MEF2C: variants seen among roughly 807,000 people sequenced by gnomAD.
MEF2C encodes the protein myocyte-specific enhancer factor 2C.
Under a neutral mutation model 50.5 loss-of-function variants are expected in MEF2C, and 6 were observed. The ratio of observed to expected loss-of-function variants is 0.12; its 90% CI spans 0.07 to 0.23. The LOEUF (loss-of-function observed/expected upper bound fraction) is 0.23, where lower values mean the gene tolerates loss of function less well. MEF2C is among the 10% of genes least tolerant of loss of function. The probability of loss-of-function intolerance (pLI) is 1.00; values close to 1 mark genes in which losing one functional copy is unlikely to be tolerated. For synonymous variants in MEF2C, 183 were observed against 228.0 expected (o/e 0.80, Z 1.78); for missense variants, 276 against 605.0 (o/e 0.46, Z 5.70).
In MEF2C at chr5:88,719,882, T is replaced by G. The variant is rs1467221072; in HGVS notation, c.*2722A>C. The stretch of plus-strand genomic sequence containing the variant: ...TGATTCTGTTCTCTTCATGTTCTTA[T>G]AAAACTATTGTCAGAACTGCTATAA... On this transcript the variant is annotated 3_prime_UTR_variant, in exon 11 of 11. Coordinates refer to ENST00000504921, the MANE Select transcript of MEF2C (RefSeq NM_002397.5). 1 of 152,210 alleles carries G rather than the reference T, an allele frequency of 6.6e-6. No individual in the cohort carries two copies. Among genetic ancestry groups the G allele is most frequent in the African/African-American group, 2.4e-5 (1 of 41,468 alleles). 9.4% of individuals were successfully genotyped at this position (152,210 alleles called of 1,614,324 possible). A position where few individuals can be genotyped will look rare whatever the true frequency, so the allele number is the denominator to read the frequency against.
intron 6 of MEF2C, chr5:88,742,992 A>G: frequency 1.0e-6 from 1 of 974,080 alleles, no homozygotes. Flanking sequence ...TTAGTTATTT[A>G]CTTATGTTTT....
At chr5:88,865,890 TTTTC>T (rs1310992306) in intron 1 of MEF2C, among the ~76,000 whole-genome samples, 6 of 151,652 alleles carry the variant, frequency 4.0e-5, no homozygotes, top group Admixed American at 3.9e-4. Flanking sequence ...GTCACATTTC[TTTTC>T]TTTTTTTTTT....
chr5:88,798,691 G>C (rs1434717109), intron 3 of MEF2C, among the ~76,000 whole-genome samples: 1 of 152,112 alleles, frequency 6.6e-6, no homozygotes, highest in Non-Finnish European at 1.5e-5. Flanking sequence ...TGCTGGAGAG[G>C]AGTTGTGATC....
At chr5:88,838,975 C>T (rs910981225) in intron 1 of MEF2C, among the ~76,000 whole-genome samples, 1 of 152,052 alleles carries the variant, frequency 6.6e-6, no homozygotes, top group African/African-American at 2.4e-5. Flanking sequence ...ATAAAATATA[C>T]TAATTGTATA....
intron 2 of MEF2C, among the ~76,000 whole-genome samples, chr5:88,808,606 G>A (rs781367240): frequency 6.6e-6 from 1 of 152,088 alleles, no homozygotes; most frequent in Non-Finnish European, 1.5e-5. Flanking sequence ...ATTAAAGCAC[G>A]TAAGAAAATA....
At chr5:88,744,921 A>C (rs1768659179) in intron 6 of MEF2C, among the ~76,000 whole-genome samples, 1 of 152,240 alleles carries the variant, frequency 6.6e-6, no homozygotes, top group South Asian at 2.1e-4. Context: ...AGAGGAGTTA[A>C]TGAAACTTTG....
intron 3 of MEF2C, among the ~76,000 whole-genome samples, chr5:88,790,836 G>C (rs925922601): frequency 3.3e-5 from 5 of 152,148 alleles, no homozygotes; most frequent in Non-Finnish European, 5.9e-5. Flanking sequence ...GTACAGAGAT[G>C]AACAAAGCTT....
At chr5:88,836,999 T>C (rs1815373173) in intron 1 of MEF2C, among the ~76,000 whole-genome samples, 1 of 82,232 alleles carries the variant, frequency 1.2e-5, no homozygotes, top group Non-Finnish European at 2.6e-5. Context: ...ACAAGCTGTT[T>C]CTCAAAAAAA....
At chr5:88,871,693 C>A (rs1829563219) in intron 1 of MEF2C, among the ~76,000 whole-genome samples, 1 of 151,994 alleles carries the variant, frequency 6.6e-6, no homozygotes, top group South Asian at 2.1e-4. Flanking sequence ...TTCCCTGACA[C>A]CAGTAATACT....
chr5:88,888,455 TTCAGAG>T (rs1228998304), intron 1 of MEF2C, among the ~76,000 whole-genome samples: 1 of 152,222 alleles, frequency 6.6e-6, no homozygotes, highest in Non-Finnish European at 1.5e-5. Flanking sequence ...TTTAAGTTGC[TTCAGAG>T]TCAAAGAGAA....
chr5:88,802,527 G>A (rs1484657269), intron 3 of MEF2C, among the ~76,000 whole-genome samples: 1 of 152,156 alleles, frequency 6.6e-6, no homozygotes, highest in Non-Finnish European at 1.5e-5. Flanking sequence ...GCTCACTGAG[G>A]CCTTGACCTC....
intron 1 of MEF2C, among the ~76,000 whole-genome samples, chr5:88,895,202 AAC>A (rs1373549474): frequency 7.2e-5 from 11 of 152,208 alleles, no homozygotes; most frequent in African/African-American, 2.7e-4. Flanking sequence ...CATGCTTCCA[AAC>A]AGTTATTTTA....
intron 1 of MEF2C, among the ~76,000 whole-genome samples, chr5:88,841,664 T>A (rs302485): frequency 0.19 from 29,031 of 152,192 alleles, 2,968 homozygotes; most frequent in Middle Eastern, 0.3. Context: ...ATTTCATGTA[T>A]GTGGCTACAA....
chr5:88,814,618 G>C (rs925504933), intron 2 of MEF2C, among the ~76,000 whole-genome samples: 4 of 151,878 alleles, frequency 2.6e-5, no homozygotes, highest in Admixed American at 2.6e-4. Flanking sequence ...TTAAAATAAG[G>C]GGCTTAGAGT....
intron 1 of MEF2C, chr5:88,843,466 G>C: frequency 1.0e-6 from 1 of 984,868 alleles, no homozygotes; most frequent in Non-Finnish European, 1.2e-6. Context: ...CAATTATTAG[G>C]CAGACAATTT....
At chr5:88,735,008 A>G (rs1763522218) in intron 6 of MEF2C, 133 of 985,414 alleles carry the variant, frequency 1.3e-4, no homozygotes, top group Non-Finnish European at 1.6e-4. Flanking sequence ...GAGCCGTATA[A>G]TAACCATTTC....
In MEF2C at chr5:88,788,199, T is replaced by TTTATTTATTTATTTAA. The variant is rs1554131413; in HGVS notation, c.258+16398_258+16399insTTAAATAAATAAATAA. 2.6e-5 allele frequency among the ~76,000 whole-genome samples: 4 copies of TTTATTTATTTATTTAA among 151,094 alleles called. No homozygotes were observed. In the South Asian group the frequency reaches 6.3e-4, roughly 24 times the overall value. On this transcript the variant is annotated intron_variant, in intron 3 of 10. Coordinates refer to ENST00000504921, the MANE Select transcript of MEF2C (RefSeq NM_002397.5). Reference sequence around the variant, plus strand: ...GTTTGTTTATTTATTTATTTATTTATTTATTTATTTAGAGACTGTGTCTCG... The same window carrying TTTATTTATTTATTTAA: ...GTTTGTTTATTTATTTATTTATTTATTTATTTATTTATTTAATTATTTATTTAGAGACTGTGTCTCG...
At chr5:88,835,217 C>A (rs1814597215) in intron 1 of MEF2C, among the ~76,000 whole-genome samples, 1 of 152,176 alleles carries the variant, frequency 6.6e-6, no homozygotes, top group Admixed American at 6.5e-5. Flanking sequence ...AAAAATCACA[C>A]TTTTTAAAAT....
intron 1 of MEF2C, among the ~76,000 whole-genome samples, chr5:88,895,947 T>A (rs1168669705): frequency 6.6e-6 from 1 of 152,182 alleles, no homozygotes; most frequent in Non-Finnish European, 1.5e-5. Flanking sequence ...GAATTCATAA[T>A]CCAAAGGAGT....
Sources: gnomAD v4.1 joint callset for allele counts (sites outside exome capture counted in the v4.1 genomes callset) on GRCh38, gnomAD v4.1.1 for gene constraint, MANE v1.5 for transcripts, NCBI Gene and HGNC (gene_info 2026-07-23, HGNC 2026-07-21) for gene names.